FGD6: variants seen among roughly 807,000 people sequenced by gnomAD.
FGD6 encodes FYVE, RhoGEF and PH domain-containing protein 6.
In FGD6, 90 loss-of-function variants were observed where a neutral mutation model predicts 149.4. The observed-to-expected ratio is 0.60, with a 90% CI of 0.51 to 0.72. FGD6 has a LOEUF of 0.72. Ranked by LOEUF, FGD6 falls within the 30% of genes least tolerant of loss-of-function variation. The pLI, the probability that FGD6 is intolerant of heterozygous loss-of-function variation, is 0.00. For synonymous variants in FGD6, 527 were observed against 584.0 expected (o/e 0.90, Z 1.41); for missense variants, 1,437 against 1,684.8 (o/e 0.85, Z 2.57).
chr12:95,129,409 AAAGAGC>A (rs1879451994), intron 8 of FGD6, among the ~76,000 whole-genome samples: 1 of 152,136 alleles, frequency 6.6e-6, no homozygotes, highest in African/African-American at 2.4e-5. Context: ...ATCTTATAAA[AAAGAGC>A]AACTCTCCCT....
chr12:95,131,567 A>G (rs1879520752), intron 8 of FGD6, among the ~76,000 whole-genome samples: 1 of 152,184 alleles, frequency 6.6e-6, no homozygotes, highest in Admixed American at 6.6e-5. Flanking sequence ...AGAGATGGCT[A>G]CAAAGAGAAT....
At chr12:95,135,100 G>C (rs1228947896) in intron 7 of FGD6, among the ~76,000 whole-genome samples, 1 of 152,170 alleles carries the variant, frequency 6.6e-6, no homozygotes, top group Non-Finnish European at 1.5e-5. Flanking sequence ...GAGCGTGGTA[G>C]CCACAGTCTG....
At chr12:95,149,920 T>A (rs1880247118) in intron 5 of FGD6, among the ~76,000 whole-genome samples, 1 of 146,774 alleles carries the variant, frequency 6.8e-6, no homozygotes, top group Non-Finnish European at 1.5e-5. Context: ...TAATTATATA[T>A]ACAATACAAA....
intron 3 of FGD6, among the ~76,000 whole-genome samples, chr12:95,170,036 G>A (rs973562230): frequency 2.0e-5 from 3 of 151,602 alleles, no homozygotes; most frequent in Non-Finnish European, 2.9e-5. Flanking sequence ...CAGGAGAATC[G>A]CTTGAACCTG....
In FGD6 at chr12:95,172,777, T is replaced by A. The variant is rs370099981; in HGVS notation, c.2442-33A>T. 1.5e-5 allele frequency: 23 copies of A among 1,529,466 alleles called. No homozygotes were observed. In the African/African-American group the frequency reaches 3.1e-4, roughly 21 times the overall value. 94.7% of individuals were successfully genotyped at this position (1,529,466 alleles called of 1,614,324 possible). On this transcript the variant is annotated intron_variant, in intron 2 of 20. Coordinates refer to ENST00000343958, the MANE Select transcript of FGD6 (RefSeq NM_018351.4). ...CAACAGAAAGCAGGTATTAGTCACCTTCAATAATAAGAAGTGCTAGCAAAA... is the reference window on the plus strand; with the variant it reads ...CAACAGAAAGCAGGTATTAGTCACCATCAATAATAAGAAGTGCTAGCAAAA...
intron 5 of FGD6, among the ~76,000 whole-genome samples, chr12:95,152,323 C>T (rs1880334633): frequency 6.6e-6 from 1 of 151,884 alleles, no homozygotes; most frequent in African/African-American, 2.4e-5. Flanking sequence ...ATAAGATGCT[C>T]TCTCAAATCA....
chr12:95,208,737 ATTCC>A (rs1202566977), intron 2 of FGD6, 102 bp downstream of exon 2: 1 of 1,148,264 alleles, frequency 8.7e-7, no homozygotes, highest in East Asian at 2.6e-5. Flanking sequence ...TTTCTAAACT[ATTCC>A]TTCAACCACG....
intron 2 of FGD6, among the ~76,000 whole-genome samples, chr12:95,180,300 A>T (rs1881245672): frequency 6.6e-6 from 1 of 152,092 alleles, no homozygotes. Context: ...CCCCGAACAC[A>T]TTCAGAAAAA....
intron 5 of FGD6, among the ~76,000 whole-genome samples, chr12:95,147,433 T>A (rs766700682): frequency 6.6e-6 from 1 of 152,272 alleles, no homozygotes; most frequent in Non-Finnish European, 1.5e-5. Context: ...TCTCCTTTAA[T>A]AACACTAACA....
chr12:95,160,786 C>A (rs1398611386), intron 3 of FGD6, among the ~76,000 whole-genome samples: 1 of 152,146 alleles, frequency 6.6e-6, no homozygotes, highest in Admixed American at 6.6e-5. Flanking sequence ...ATCGCTTGAA[C>A]CCAGGAGGCA....
chr12:95,164,721 A>G lies in FGD6; in HGVS notation c.2586+7879T>C, dbSNP rs1187254153. On this transcript the variant is annotated intron_variant, in intron 3 of 20. Transcript: ENST00000343958. ...GCTGGGATTACAGGCAGGAGGCACC[A>G]TGCCCAGCCTATCCATTACTTTTTA... 3.9e-5 allele frequency among the ~76,000 whole-genome samples: 6 copies of G among 152,128 alleles called. No individual in the cohort carries two copies. The East Asian group carries it at 1.2e-3, about 29-fold the overall frequency.
chr12:95,159,793 A>G (rs972684492), intron 3 of FGD6, among the ~76,000 whole-genome samples: 6 of 152,144 alleles, frequency 3.9e-5, no homozygotes, highest in Non-Finnish European at 7.4e-5. Context: ...TGATTGAGCC[A>G]CTGCACTCCA....
At chr12:95,085,213 CTTTTTTT>C (rs34135341) in intron 19 of FGD6, among the ~76,000 whole-genome samples, 2 of 118,106 alleles carry the variant, frequency 1.7e-5, no homozygotes, top group Non-Finnish European at 3.5e-5. Context: ...ACAGCTCTGC[CTTTTTTT>C]TTTTTTTTTT....
chr12:95,083,175 A>G (rs1431346636), intron 20 of FGD6, among the ~76,000 whole-genome samples: 1 of 151,126 alleles, frequency 6.6e-6, no homozygotes, highest in Non-Finnish European at 1.5e-5. Flanking sequence ...AAAATTTAAT[A>G]TTGAACATAA....
intron 8 of FGD6, among the ~76,000 whole-genome samples, chr12:95,124,217 C>T (rs184345114): frequency 3.9e-5 from 6 of 152,114 alleles, no homozygotes; most frequent in Admixed American, 1.3e-4. Flanking sequence ...TGGCCTGAGA[C>T]TGCTTTTCTT....
chr12:95,212,627 A>C (rs753379105), intron 1 of FGD6, among the ~76,000 whole-genome samples: 1 of 152,232 alleles, frequency 6.6e-6, no homozygotes, highest in Non-Finnish European at 1.5e-5. Flanking sequence ...AGGATCTAAC[A>C]CTTAATAAAA....
At chr12:95,127,613 CTCAAATT>C (rs1476358055) in intron 8 of FGD6, among the ~76,000 whole-genome samples, 2 of 152,164 alleles carry the variant, frequency 1.3e-5, no homozygotes, top group African/African-American at 2.4e-5. Context: ...CTGTACATAG[CTCAAATT>C]TATAGCTTCA....
chr12:95,149,146 T>A (rs866075671), intron 5 of FGD6, among the ~76,000 whole-genome samples: 1 of 31,406 alleles, frequency 3.2e-5, no homozygotes, highest in Admixed American at 6.8e-4. Context: ...ATATTATATA[T>A]TATATAATAT....
intron 3 of FGD6, among the ~76,000 whole-genome samples, chr12:95,155,828 G>A (rs918499599): frequency 2.0e-5 from 3 of 152,164 alleles, no homozygotes; most frequent in Non-Finnish European, 4.4e-5. Flanking sequence ...TGGAGGGACT[G>A]GCTGAAGCCA....
Sources: allele counts gnomAD v4.1 joint callset (sites outside exome capture counted in the v4.1 genomes callset), GRCh38; gene constraint gnomAD v4.1.1; transcripts MANE v1.5; gene names NCBI Gene and HGNC (gene_info 2026-07-23, HGNC 2026-07-21).